Variants in AUTS2 observed in about 807,000 individuals in gnomAD.
AUTS2 encodes autism susceptibility gene 2 protein.
A neutral mutation model predicts 112.4 loss-of-function variants in AUTS2; 17 were observed. The ratio of observed to expected loss-of-function variants is 0.15; its 90% CI spans 0.10 to 0.23. The LOEUF is 0.23. Ranked by LOEUF, AUTS2 falls within the 10% of genes least tolerant of loss-of-function variation. The pLI, the probability that AUTS2 is intolerant of heterozygous loss-of-function variation, is 1.00. For missense variants in AUTS2, 1,510 were observed against 1,701.6 expected, an observed-to-expected ratio of 0.89 and a Z score of 1.98; for synonymous variants, 751 against 702.7, an observed-to-expected ratio of 1.07 and a Z score of -1.09.
intron 6 of AUTS2, among the ~76,000 whole-genome samples, chr7:70,720,646 A>C (rs1309546347): frequency 6.6e-6 from 1 of 152,138 alleles, no homozygotes; most frequent in Non-Finnish European, 1.5e-5. Flanking sequence ...TTCTTCCACC[A>C]GGGGTCCCTT....
At chr7:70,047,700 A>C (rs1169968424) in intron 2 of AUTS2, among the ~76,000 whole-genome samples, 1 of 152,196 alleles carries the variant, frequency 6.6e-6, no homozygotes, top group African/African-American at 2.4e-5. Context: ...GAGAGACTGT[A>C]AGAAACTTTG....
At chr7:69,693,492 G>A (rs1421490781) in intron 1 of AUTS2, among the ~76,000 whole-genome samples, 1 of 152,184 alleles carries the variant, frequency 6.6e-6, no homozygotes, top group African/African-American at 2.4e-5. Flanking sequence ...TGTTGCCTCT[G>A]GATGTGTGTG....
intron 5 of AUTS2, among the ~76,000 whole-genome samples, chr7:70,522,793 C>G (rs935555476): frequency 6.6e-6 from 1 of 152,080 alleles, no homozygotes; most frequent in Non-Finnish European, 1.5e-5. Context: ...TTTGGTAGAA[C>G]AGTTTATTTT....
intron 5 of AUTS2, among the ~76,000 whole-genome samples, chr7:70,686,657 C>T (rs1170481500): frequency 1.3e-5 from 2 of 151,874 alleles, no homozygotes; most frequent in Non-Finnish European, 2.9e-5. Context: ...CAGCCTCCCC[C>T]GAGAAGCTGG....
In AUTS2 at chr7:69,965,488, T is replaced by G. The variant is rs560663643; in HGVS notation, c.522+65990T>G. On this transcript the variant is annotated intron_variant, in intron 2 of 18. Transcript: ENST00000342771. ...GGCAGCAATAACATTGTCCGATAAGTGCTAATGAGGGGAGAAGTTCAATAC... is the reference window on the plus strand; with the variant it reads ...GGCAGCAATAACATTGTCCGATAAGGGCTAATGAGGGGAGAAGTTCAATAC... Among the ~76,000 whole-genome samples the G allele has an allele frequency of 2.1e-4, 32 of 152,148 alleles. No individual in the cohort carries two copies. The South Asian group carries it at 6.2e-3, about 30-fold the overall frequency.
At chr7:70,285,440 C>T (rs1788412715) in intron 4 of AUTS2, among the ~76,000 whole-genome samples, 1 of 152,100 alleles carries the variant, frequency 6.6e-6, no homozygotes, top group Non-Finnish European at 1.5e-5. Context: ...TGGAGTTAGC[C>T]CAGACATAAA....
intron 6 of AUTS2, among the ~76,000 whole-genome samples, chr7:70,745,849 G>A (rs1788418278): frequency 6.6e-6 from 1 of 152,018 alleles, no homozygotes. Context: ...TTATTTTATT[G>A]CAGTATGATG....
intron 4 of AUTS2, among the ~76,000 whole-genome samples, chr7:70,247,118 A>C (rs1812966630): frequency 6.6e-6 from 1 of 152,176 alleles, no homozygotes; most frequent in Non-Finnish European, 1.5e-5. Context: ...AATAACTCAC[A>C]TATCCATTGA....
At position 69,728,601 on chromosome 7, in the gene AUTS2, G is replaced by A. The variant is rs529410400; in HGVS notation, c.309+128639G>A. On this transcript the variant is annotated intron_variant, in intron 1 of 18. Coordinates refer to ENST00000342771, the MANE Select transcript of AUTS2 (RefSeq NM_015570.4). ...TTCCCAAAAGGCTTTAAAGAAAAAC[G>A]GGACAAAAAGTTACGCTCAAGTAAT... Among the ~76,000 whole-genome samples the A allele has an allele frequency of 4.6e-5, 7 of 152,056 alleles. No homozygotes were observed. The South Asian group carries it at 6.3e-4, about 14-fold the overall frequency.
intron 5 of AUTS2, among the ~76,000 whole-genome samples, chr7:70,634,711 C>G (rs1324637554): frequency 6.6e-6 from 1 of 152,198 alleles, no homozygotes; most frequent in Non-Finnish European, 1.5e-5. Flanking sequence ...CCATCTGATT[C>G]AGCGGGGTGA....
At chr7:70,290,746 G>A in intron 4 of AUTS2, 1 of 961,002 alleles carries the variant, frequency 1.0e-6, no homozygotes, top group Non-Finnish European at 1.4e-6. Context: ...ATTAAGCTAT[G>A]ACTGTAACGT....
At chr7:69,693,434 G>A (rs905136771) in intron 1 of AUTS2, among the ~76,000 whole-genome samples, 11 of 152,290 alleles carry the variant, frequency 7.2e-5, no homozygotes, top group African/African-American at 2.2e-4. Flanking sequence ...TTTTCTCTTG[G>A]CCATATGGAT....
intron 5 of AUTS2, among the ~76,000 whole-genome samples, chr7:70,472,590 T>C (rs1042012107): frequency 1.3e-5 from 2 of 152,214 alleles, no homozygotes; most frequent in Admixed American, 6.5e-5. Flanking sequence ...ATGTGTTTGC[T>C]AATGGGGATA....
intron 6 of AUTS2, among the ~76,000 whole-genome samples, chr7:70,754,021 C>G (rs915584292): frequency 2.6e-5 from 4 of 151,642 alleles, no homozygotes; most frequent in African/African-American, 9.7e-5. Context: ...ATCAGCCAGG[C>G]GTGGTGGCGG....
At chr7:70,680,271 T>TCAC (rs1808140236) in intron 5 of AUTS2, among the ~76,000 whole-genome samples, 2 of 152,186 alleles carry the variant, frequency 1.3e-5, no homozygotes, top group Admixed American at 6.5e-5. Flanking sequence ...TCATAAAGAA[T>TCAC]CACAGAGAGA....
intron 4 of AUTS2, among the ~76,000 whole-genome samples, chr7:70,323,726 A>G (rs1790360103): frequency 6.6e-6 from 1 of 152,196 alleles, no homozygotes; most frequent in Admixed American, 6.5e-5. Flanking sequence ...TGCCATGTAT[A>G]TATTTGTACC....
At position 69,668,476 on chromosome 7, in the gene AUTS2, C is replaced by T. The variant is rs144885227; in HGVS notation, c.309+68514C>T. Among the ~76,000 whole-genome samples, 633 of 152,304 alleles carry T rather than the reference C, an allele frequency of 4.2e-3. 4 individuals carry two copies. The highest frequency in any genetic ancestry group is 0.014 in the African/African-American group (584 of 41,568). On this transcript the variant is annotated intron_variant, in intron 1 of 18. Transcript: ENST00000342771. ...AAGAAGGAGGGAAACTACCCATCCA[C>T]TATTACTTTACAGTACTTAAAATAT...
intron 4 of AUTS2, among the ~76,000 whole-genome samples, chr7:70,327,520 G>A (rs1281745773): frequency 6.6e-6 from 1 of 152,152 alleles, no homozygotes; most frequent in East Asian, 1.9e-4. Context: ...GACATGGAAG[G>A]GGCTCTAGGT....
At chr7:69,601,115 C>T (rs1211802295) in intron 1 of AUTS2, among the ~76,000 whole-genome samples, 2 of 151,826 alleles carry the variant, frequency 1.3e-5, no homozygotes, top group African/African-American at 4.8e-5. Flanking sequence ...ATTTCCTCCC[C>T]CACCTCCCTG....
Sources: gnomAD v4.1 joint callset for allele counts (sites outside exome capture counted in the v4.1 genomes callset) on GRCh38, gnomAD v4.1.1 for gene constraint, MANE v1.5 for transcripts, NCBI Gene and HGNC (gene_info 2026-07-23, HGNC 2026-07-21) for gene names.